KDM4C: variants seen among roughly 807,000 people sequenced by gnomAD.
KDM4C encodes the protein lysine-specific demethylase 4C.
Under a neutral mutation model 129.3 loss-of-function variants are expected in KDM4C, and 81 were observed. The observed-to-expected ratio is 0.63, with a 90% CI of 0.52 to 0.75. The LOEUF (loss-of-function observed/expected upper bound fraction) is 0.75, where lower values mean the gene tolerates loss of function less well. Among genes scored for constraint, KDM4C ranks in the 30% least tolerant of loss-of-function variants. The pLI is 0.00. For synonymous variants in KDM4C, 573 were observed against 456.1 expected, an observed-to-expected ratio of 1.26 and a Z score of -3.26; for missense variants, 1,457 against 1,304.0, an observed-to-expected ratio of 1.12 and a Z score of -1.81.
intron 1 of KDM4C, among the ~76,000 whole-genome samples, chr9:6,750,243 A>C (rs1321708797): frequency 6.6e-6 from 1 of 151,988 alleles, no homozygotes; most frequent in Non-Finnish European, 1.5e-5. Context: ...GTTCGAGACC[A>C]GCCTGACCAA....
rs890531410 is a variant in KDM4C, at chr9:6,883,706, G to A, written c.679+3645G>A. On this transcript the variant is annotated intron_variant, in intron 6 of 21. Coordinates refer to ENST00000381309, the MANE Select transcript of KDM4C (RefSeq NM_015061.6). ...GAAATGAATGTCAACTAGTAGGGAG[G>A]AATTATGGGGAAGTGAAGATTTCTT... Among the ~76,000 whole-genome samples, 4 of 152,122 alleles carry A rather than the reference G, an allele frequency of 2.6e-5. No homozygotes were observed. The South Asian group carries it at 6.2e-4, about 24-fold the overall frequency.
intron 1 of KDM4C, among the ~76,000 whole-genome samples, chr9:6,781,434 C>T (rs1372869113): frequency 6.6e-6 from 1 of 151,744 alleles, no homozygotes; most frequent in Non-Finnish European, 1.5e-5. Flanking sequence ...GATTTATTAA[C>T]ATTAAATTTG....
chr9:6,763,332 ACTT>A (rs1323862377), intron 1 of KDM4C, among the ~76,000 whole-genome samples: 10 of 152,052 alleles, frequency 6.6e-5, no homozygotes, highest in African/African-American at 2.4e-4. Context: ...CCCCAGTTGC[ACTT>A]CTTTGATTGA....
At chr9:6,795,855 A>C (rs546698283) in intron 2 of KDM4C, among the ~76,000 whole-genome samples, 8 of 151,864 alleles carry the variant, frequency 5.3e-5, no homozygotes, top group African/African-American at 1.4e-4. Context: ...TATTTTTTGT[A>C]GAGCCAAGGT....
intron 1 of KDM4C, among the ~76,000 whole-genome samples, chr9:6,785,815 A>G (rs1295318874): frequency 6.6e-6 from 1 of 152,240 alleles, no homozygotes; most frequent in Non-Finnish European, 1.5e-5. Flanking sequence ...AATCCCTAAC[A>G]ATGCCCAGCC....
chr9:6,936,399 TAAA>T (rs971625295), intron 8 of KDM4C, among the ~76,000 whole-genome samples: 1 of 149,428 alleles, frequency 6.7e-6, no homozygotes, highest in East Asian at 1.9e-4. Flanking sequence ...TTTGATTTGC[TAAA>T]AAAAGAATGC....
At chr9:7,153,138 A>G (rs780360218) in intron 19 of KDM4C, among the ~76,000 whole-genome samples, 2 of 152,136 alleles carry the variant, frequency 1.3e-5, no homozygotes, top group Non-Finnish European at 2.9e-5. Flanking sequence ...GGGTCTTGCT[A>G]TGTTGCCCAG....
intron 1 of KDM4C, among the ~76,000 whole-genome samples, chr9:6,791,083 C>G (rs1826498575): frequency 6.6e-6 from 1 of 152,138 alleles, no homozygotes; most frequent in African/African-American, 2.4e-5. Flanking sequence ...TAACTCTCCC[C>G]CTTTCTGGGA....
intron 8 of KDM4C, among the ~76,000 whole-genome samples, chr9:6,913,770 T>C (rs1819779487): frequency 6.6e-6 from 1 of 152,210 alleles, no homozygotes. Context: ...CAGATGACAA[T>C]TCAAACAGTT....
intron 1 of KDM4C, among the ~76,000 whole-genome samples, chr9:6,768,825 T>G (rs1181543828): frequency 8.6e-5 from 13 of 152,022 alleles, no homozygotes. Flanking sequence ...CAGGCTGGAG[T>G]GCAGTGATGC....
At chr9:6,783,535 A>G (rs1030626986) in intron 1 of KDM4C, among the ~76,000 whole-genome samples, 8 of 152,094 alleles carry the variant, frequency 5.3e-5, no homozygotes, top group African/African-American at 1.9e-4. Context: ...GAAATCTCCC[A>G]TAGTGTCTGT....
rs1013516320 is a variant in KDM4C, at chr9:7,020,543, G to C, written c.2259+4614G>C. Reference sequence around the variant, plus strand: ...CCTCCTTTGTTATATAATCATTTTAGAGCACGTTCCAAACATTACCAAATC... The same window carrying C: ...CCTCCTTTGTTATATAATCATTTTACAGCACGTTCCAAACATTACCAAATC... On this transcript the variant is annotated intron_variant, in intron 15 of 21. Coordinates refer to ENST00000381309, the MANE Select transcript of KDM4C (RefSeq NM_015061.6). 1.3e-4 allele frequency among the ~76,000 whole-genome samples: 20 copies of C among 152,158 alleles called. No homozygotes were observed. In the South Asian group the frequency reaches 2.1e-3, roughly 16 times the overall value.
At chr9:7,164,350 T>TA (rs113564814) in intron 19 of KDM4C, among the ~76,000 whole-genome samples, 2,677 of 148,338 alleles carry the variant, frequency 0.018, 74 homozygotes, top group African/African-American at 0.063. Flanking sequence ...TGCCACGCCT[T>TA]AAAAAAACAA....
chr9:7,075,284 G>A (rs747375512), intron 17 of KDM4C, among the ~76,000 whole-genome samples: 3 of 152,128 alleles, frequency 2.0e-5, no homozygotes, highest in Non-Finnish European at 4.4e-5. Flanking sequence ...GTGTTTTGAA[G>A]TTCAACTGTC....
rs540667206 is a variant in KDM4C at position 6,844,278 on chromosome 9, C to T, written c.436-5229C>T. Among the ~76,000 whole-genome samples the T allele has an allele frequency of 1.1e-4, 16 of 150,012 alleles. No homozygotes were observed. The South Asian group carries it at 3.2e-3, about 30-fold the overall frequency. ...TTTTGTTTTAAGTTTTTCTAATTTA[C>T]ACTATTTTATTTTTAGTGACATAAT... On this transcript the variant is annotated intron_variant, in intron 4 of 21. Coordinates refer to ENST00000381309, the MANE Select transcript of KDM4C (RefSeq NM_015061.6).
chr9:6,908,846 A>G (rs1011290271), intron 8 of KDM4C, among the ~76,000 whole-genome samples: 1 of 152,206 alleles, frequency 6.6e-6, no homozygotes, highest in African/African-American at 2.4e-5. Flanking sequence ...AATTGGAACA[A>G]TAATGATAGG....
intron 17 of KDM4C, among the ~76,000 whole-genome samples, chr9:7,082,095 CTCT>C (rs1834588144): frequency 1.3e-5 from 2 of 152,182 alleles, no homozygotes; most frequent in South Asian, 4.1e-4. Flanking sequence ...AAACCACCTT[CTCT>C]AGAGATTCTG....
chr9:7,051,000 G>C (rs985273661), intron 17 of KDM4C, among the ~76,000 whole-genome samples: 1 of 152,140 alleles, frequency 6.6e-6, no homozygotes, highest in Non-Finnish European at 1.5e-5. Flanking sequence ...CTTTAAAAGA[G>C]CATGTCTTAA....
At chr9:7,105,656 C>T (rs1158787001) in intron 18 of KDM4C, among the ~76,000 whole-genome samples, 3 of 152,146 alleles carry the variant, frequency 2.0e-5, no homozygotes, top group Non-Finnish European at 1.5e-5. Context: ...AAACCCCAAA[C>T]CTCAAATGGT....
Sources: allele counts gnomAD v4.1 joint callset (sites outside exome capture counted in the v4.1 genomes callset), GRCh38; gene constraint gnomAD v4.1.1; transcripts MANE v1.5; gene names NCBI Gene and HGNC (gene_info 2026-07-23, HGNC 2026-07-21).